Variants in AKAP19 observed in about 807,000 individuals in gnomAD.
AKAP19 encodes A-kinase anchoring protein 19.
At chr2:189,960,318 T>C in the AKAP19 span, among the ~76,000 whole-genome samples, 2 of 152,142 alleles carry the variant, frequency 1.3e-5, no homozygotes, top group Non-Finnish European at 2.9e-5. Context: ...TAAATTATCA[T>C]TGATCTGAAA....
chr2:190,054,314 C>G, the AKAP19 span, among the ~76,000 whole-genome samples: 2 of 152,032 alleles, frequency 1.3e-5, no homozygotes, highest in African/African-American at 4.8e-5. Flanking sequence ...TGGATCCCTT[C>G]CTTACACCTT....
chr2:189,914,816 A>C, the AKAP19 span, among the ~76,000 whole-genome samples: 7 of 152,044 alleles, frequency 4.6e-5, no homozygotes, highest in East Asian at 1.3e-3. Context: ...TATAGATGAG[A>C]AAATTGAAGC....
chr2:190,057,730 T>C, the AKAP19 span: 2 of 1,395,116 alleles, frequency 1.4e-6, no homozygotes, highest in African/African-American at 2.9e-5. Flanking sequence ...AGTAATAAAC[T>C]AATAATTTTG....
At chr2:190,194,972 G>A in the AKAP19 span, among the ~76,000 whole-genome samples, 261 of 152,080 alleles carry the variant, frequency 1.7e-3, no homozygotes, top group African/African-American at 6.0e-3. Context: ...AAGTGACCTC[G>A]GCTTCCTGAG....
chr2:190,133,235 C>CAAAAAA, the AKAP19 span, among the ~76,000 whole-genome samples: 10 of 58,112 alleles, frequency 1.7e-4, no homozygotes, highest in Non-Finnish European at 2.0e-4. Flanking sequence ...GAGACTCTGC[C>CAAAAAA]AAAAAAAAAA....
At chr2:190,007,055 T>C in the AKAP19 span, among the ~76,000 whole-genome samples, 5 of 152,162 alleles carry the variant, frequency 3.3e-5, no homozygotes, top group South Asian at 2.1e-4. Context: ...AAGTAGGTCC[T>C]CTGAGCTAGG....
chr2:190,026,789 A>G, the AKAP19 span, among the ~76,000 whole-genome samples: 1 of 152,194 alleles, frequency 6.6e-6, no homozygotes, highest in Non-Finnish European at 1.5e-5. Flanking sequence ...TATTGGGCAC[A>G]CTGGCATACT....
At chr2:190,086,509 G>A in the AKAP19 span, among the ~76,000 whole-genome samples, 1 of 152,168 alleles carries the variant, frequency 6.6e-6, no homozygotes, top group Non-Finnish European at 1.5e-5. Context: ...AAATATGCAC[G>A]ATGGTTGCAG....
At chr2:190,027,816 T>C in the AKAP19 span, among the ~76,000 whole-genome samples, 1 of 152,198 alleles carries the variant, frequency 6.6e-6, no homozygotes, top group Non-Finnish European at 1.5e-5. Flanking sequence ...TTTCTCAGAT[T>C]TTATAACAGG....
chr2:189,962,714 CT>C, the AKAP19 span, among the ~76,000 whole-genome samples: 29 of 152,136 alleles, frequency 1.9e-4, no homozygotes, highest in East Asian at 5.4e-3. Context: ...ATTGTTTGAA[CT>C]TTTACCATGA....
the AKAP19 span, among the ~76,000 whole-genome samples, chr2:190,057,908 C>T: frequency 2.0e-5 from 3 of 151,842 alleles, no homozygotes; most frequent in Non-Finnish European, 4.4e-5. Flanking sequence ...TACCAGATTG[C>T]CTGGCACATA....
chr2:190,050,861 T>G, the AKAP19 span, among the ~76,000 whole-genome samples: 1 of 152,294 alleles, frequency 6.6e-6, no homozygotes, highest in Middle Eastern at 3.4e-3. Flanking sequence ...TGTAAGGAAT[T>G]AGAGATATTA....
the AKAP19 span, among the ~76,000 whole-genome samples, chr2:189,967,360 CT>C: frequency 6.6e-6 from 1 of 152,178 alleles, no homozygotes; most frequent in African/African-American, 2.4e-5. Context: ...TTTCCCTGAA[CT>C]TGTACACCTA....
At chr2:190,010,859 C>G in the AKAP19 span, among the ~76,000 whole-genome samples, 20 of 152,058 alleles carry the variant, frequency 1.3e-4, no homozygotes, top group African/African-American at 4.8e-4. Context: ...ACCTCAAATA[C>G]TTAACATACA....
At chr2:189,953,154 A>C in the AKAP19 span, among the ~76,000 whole-genome samples, 2 of 152,078 alleles carry the variant, frequency 1.3e-5, no homozygotes, top group Non-Finnish European at 2.9e-5. Context: ...TGCAATAGGG[A>C]AAGTGGGGAC....
chr2:189,903,582 A>G, the AKAP19 span, among the ~76,000 whole-genome samples: 1 of 152,080 alleles, frequency 6.6e-6, no homozygotes, highest in Admixed American at 6.6e-5. Flanking sequence ...TCAAACTGTT[A>G]GAGCATTCCA....
chr2:190,199,658 T>G, the AKAP19 span: 1 of 1,326,682 alleles, frequency 7.5e-7, no homozygotes, highest in Admixed American at 2.9e-5. Context: ...CTATTTTGCA[T>G]TCTGTAACTT....
chr2:190,059,476 A>G, the AKAP19 span, among the ~76,000 whole-genome samples: 198 of 152,062 alleles, frequency 1.3e-3, 1 homozygote, highest in East Asian at 0.026. Context: ...TCCACAAAGA[A>G]ATATATACAC....
chr2:189,906,271 A>G, the AKAP19 span, among the ~76,000 whole-genome samples: 4 of 152,146 alleles, frequency 2.6e-5, no homozygotes, highest in East Asian at 3.8e-4. Context: ...TTTTACAAAT[A>G]CAAAATTATT....
Sources: gnomAD v4.1 joint callset for allele counts (sites outside exome capture counted in the v4.1 genomes callset) on GRCh38, gnomAD v4.1.1 for gene constraint, MANE v1.5 for transcripts, NCBI Gene and HGNC (gene_info 2026-07-23, HGNC 2026-07-21) for gene names.